THSD4: variants seen among roughly 807,000 people sequenced by gnomAD.
THSD4 encodes thrombospondin type-1 domain-containing protein 4.
A neutral mutation model predicts 119.0 loss-of-function variants in THSD4; 69 were observed. The ratio of observed to expected loss-of-function variants is 0.58; its 90% confidence interval spans 0.48 to 0.71. The LOEUF (loss-of-function observed/expected upper bound fraction) is 0.71. Among genes scored for constraint, THSD4 ranks in the 30% least tolerant of loss-of-function variants. THSD4 has a pLI of 0.00. For synonymous variants in THSD4, 524 were observed against 540.4 expected (o/e 0.97, Z 0.42); for missense variants, 1,393 against 1,391.1 (o/e 1.00, Z -0.02).
chr15:71,634,713 A>G (rs1184856227), intron 7 of THSD4, among the ~76,000 whole-genome samples: 1 of 152,190 alleles, frequency 6.6e-6, no homozygotes, highest in Non-Finnish European at 1.5e-5. Flanking sequence ...TCGGAAGTCA[A>G]GGGAGGAAGT....
chr15:71,465,910 T>G (rs894376179), intron 7 of THSD4, among the ~76,000 whole-genome samples: 16 of 152,098 alleles, frequency 1.1e-4, no homozygotes, highest in Non-Finnish European at 1.3e-4. Context: ...CTGTGGCAGG[T>G]GAGTGAAAGG....
chr15:71,513,808 G>C (rs756633214), intron 7 of THSD4, among the ~76,000 whole-genome samples: 1 of 152,186 alleles, frequency 6.6e-6, no homozygotes, highest in African/African-American at 2.4e-5. Flanking sequence ...AAATAGATAA[G>C]TTGTGGCTTC....
At chr15:71,550,308 C>T (rs1196627269) in intron 7 of THSD4, among the ~76,000 whole-genome samples, 1 of 152,166 alleles carries the variant, frequency 6.6e-6, no homozygotes, top group African/African-American at 2.4e-5. Context: ...TTGGACTTAC[C>T]TTCTCAGATA....
At chr15:71,520,345 A>G (rs1477043157) in intron 7 of THSD4, among the ~76,000 whole-genome samples, 7 of 152,174 alleles carry the variant, frequency 4.6e-5, no homozygotes, top group Non-Finnish European at 8.8e-5. Flanking sequence ...TTTGCCCTGA[A>G]TGACACTAGA....
At chr15:71,553,692 C>T (rs922556689) in intron 7 of THSD4, among the ~76,000 whole-genome samples, 2 of 152,128 alleles carry the variant, frequency 1.3e-5, no homozygotes, top group Non-Finnish European at 2.9e-5. Context: ...TAGGTAGATA[C>T]ATTTTATCCA....
chr15:71,480,075 C>T (rs920544802), intron 7 of THSD4, among the ~76,000 whole-genome samples: 1 of 152,166 alleles, frequency 6.6e-6, no homozygotes, highest in Non-Finnish European at 1.5e-5. Context: ...CTCGCTCTGT[C>T]ACCCAGGCTA....
chr15:71,453,625 C>A (rs985374551), intron 7 of THSD4, among the ~76,000 whole-genome samples: 2 of 152,190 alleles, frequency 1.3e-5, no homozygotes, highest in Admixed American at 6.5e-5. Context: ...GTCCAAAAAA[C>A]AAAGTTGAAT....
intron 7 of THSD4, among the ~76,000 whole-genome samples, chr15:71,525,140 T>C (rs887734197): frequency 3.9e-5 from 6 of 152,132 alleles, no homozygotes; most frequent in African/African-American, 1.2e-4. Flanking sequence ...TGAGCACTTA[T>C]TATGCATCAG....
chr15:71,723,072 GT>G (rs56241621), intron 8 of THSD4, among the ~76,000 whole-genome samples: 3 of 148,612 alleles, frequency 2.0e-5, no homozygotes, highest in African/African-American at 7.4e-5. Context: ...ATTTAGGCTA[GT>G]TTTTTTTTTC....
rs1229449076 is a variant in THSD4 at position 71,608,355 on chromosome 15, C to T, written c.1153-52175C>T. Reference sequence around the variant, plus strand: ...CCTCCATTGTTAGCGTCCTGATGTACTTCTTTCTGGATTATATAAATTCTC... The same window carrying T: ...CCTCCATTGTTAGCGTCCTGATGTATTTCTTTCTGGATTATATAAATTCTC... On this transcript the variant is annotated intron_variant, in intron 7 of 17. Transcript: ENST00000261862. 2.0e-5 allele frequency among the ~76,000 whole-genome samples: 3 copies of T among 150,946 alleles called. No individual in the cohort carries two copies. The East Asian group carries it at 5.9e-4, about 29-fold the overall frequency.
At chr15:71,217,673 C>G (rs546355716) in intron 4 of THSD4, among the ~76,000 whole-genome samples, 1 of 151,274 alleles carries the variant, frequency 6.6e-6, no homozygotes, top group South Asian at 2.1e-4. Context: ...TGTCACCAAA[C>G]TGACAAAAGC....
intron 6 of THSD4, among the ~76,000 whole-genome samples, chr15:71,275,961 G>GT (rs1469348629): frequency 6.6e-6 from 1 of 152,146 alleles, no homozygotes. Flanking sequence ...CCAGTCTAGC[G>GT]TAAGTTTCTA....
intron 4 of THSD4, among the ~76,000 whole-genome samples, chr15:71,219,710 A>G (rs1216923296): frequency 6.6e-6 from 1 of 152,218 alleles, no homozygotes; most frequent in Admixed American, 6.5e-5. Flanking sequence ...GCATGACAAC[A>G]TTTACAGTTA....
intron 3 of THSD4, among the ~76,000 whole-genome samples, chr15:71,208,948 G>A (rs1289286599): frequency 1.3e-5 from 2 of 152,076 alleles, no homozygotes; most frequent in African/African-American, 4.8e-5. Context: ...AAAATACATG[G>A]CCCCCTTAAC....
At chr15:71,662,268 G>C (rs2140999120) in intron 8 of THSD4, among the ~76,000 whole-genome samples, 1 of 152,232 alleles carries the variant, frequency 6.6e-6, no homozygotes, top group South Asian at 2.1e-4. Flanking sequence ...TTTTACGGGG[G>C]GGGAGGAGGA....
At chr15:71,554,175 C>T (rs1288105769) in intron 7 of THSD4, among the ~76,000 whole-genome samples, 9 of 149,746 alleles carry the variant, frequency 6.0e-5, no homozygotes, top group South Asian at 2.2e-4. Context: ...CTGCAAGCTC[C>T]GCCTCCTGGG....
At chr15:71,148,456 A>C (rs1011384638) in intron 2 of THSD4, among the ~76,000 whole-genome samples, 1 of 152,254 alleles carries the variant, frequency 6.6e-6, no homozygotes, top group Admixed American at 6.5e-5. Context: ...GCCATCTAAG[A>C]AAGGTTTCTT....
intron 7 of THSD4, among the ~76,000 whole-genome samples, chr15:71,596,701 G>A (rs116526441): frequency 0.016 from 2,383 of 152,318 alleles, 65 homozygotes; most frequent in African/African-American, 0.052. Flanking sequence ...AATTGTTAAT[G>A]ATAGAACCAC....
At chr15:71,760,217 C>T (rs1240667713) in intron 15 of THSD4, among the ~76,000 whole-genome samples, 1 of 152,160 alleles carries the variant, frequency 6.6e-6, no homozygotes, top group East Asian at 1.9e-4. Context: ...CCACAGAATC[C>T]TTCCCAAGGA....
Sources: allele counts gnomAD v4.1 joint callset (sites outside exome capture counted in the v4.1 genomes callset), GRCh38; gene constraint gnomAD v4.1.1; transcripts MANE v1.5; gene names NCBI Gene and HGNC (gene_info 2026-07-23, HGNC 2026-07-21).